The following OPHN1 variants were observed in gnomAD, a reference collection of about 807,000 sequenced individuals.
OPHN1 encodes oligophrenin-1.
OPHN1 carries 11 observed loss-of-function variants against 60.7 expected under a neutral mutation model. The observed-to-expected ratio is 0.18, with a 90% CI of 0.11 to 0.30. The LOEUF (loss-of-function observed/expected upper bound fraction) is 0.30. Among genes scored for constraint, OPHN1 ranks in the 10% least tolerant of loss-of-function variants. The probability of loss-of-function intolerance (pLI) is 1.00; values close to 1 mark genes in which losing one functional copy is unlikely to be tolerated. For synonymous variants in OPHN1, 226 were observed against 222.6 expected (o/e 1.02, Z -0.14); for missense variants, 449 against 611.0 (o/e 0.73, Z 2.80).
chrX:68,095,697 C>T (rs961611576), intron 19 of OPHN1, among the ~76,000 whole-genome samples: 1 of 111,332 alleles, frequency 9.0e-6, no homozygotes, highest in East Asian at 2.8e-4. Context: ...TGGTGACTTC[C>T]AGTCACCAAG....
intron 14 of OPHN1, 74 bp downstream of exon 14, chrX:68,193,816 T>G (rs2077499136): frequency 2.2e-6 from 2 of 894,792 alleles, no homozygotes; most frequent in East Asian, 6.2e-5. Context: ...AAAACGCTAC[T>G]TCAGAGAAAT....
At chrX:68,218,570 C>G (rs1218036759) in intron 6 of OPHN1, among the ~76,000 whole-genome samples, 1 of 110,787 alleles carries the variant, frequency 9.0e-6, no homozygotes, top group African/African-American at 3.3e-5. Context: ...ATCAGACTAA[C>G]AGCGGATCTT....
intron 19 of OPHN1, among the ~76,000 whole-genome samples, chrX:68,073,512 C>A (rs1241817772): frequency 8.9e-6 from 1 of 111,975 alleles, no homozygotes. Flanking sequence ...GAACCTGGCA[C>A]TTCTCAGTTT....
At chrX:68,367,278 C>T (rs1472512011) in intron 2 of OPHN1, among the ~76,000 whole-genome samples, 1 of 105,890 alleles carries the variant, frequency 9.4e-6, no homozygotes, top group African/African-American at 3.5e-5. Flanking sequence ...CACTTGAACC[C>T]GGGAGGCAGA....
chrX:68,133,539 T>C (rs2077206919), intron 15 of OPHN1: 2 of 433,639 alleles, frequency 4.6e-6, no homozygotes, highest in Non-Finnish European at 8.8e-6. Context: ...GCTTCAATTT[T>C]GCATCCTGAG....
chrX:68,239,044 A>G (rs2077766610), intron 5 of OPHN1, among the ~76,000 whole-genome samples: 1 of 111,392 alleles, frequency 9.0e-6, no homozygotes, highest in African/African-American at 3.3e-5. Context: ...GTTTTACTGA[A>G]TGATGGAAAT....
At position 68,422,722 on chromosome X, in the gene OPHN1, AG is replaced by A. The variant is rs764763858; in HGVS notation, c.154+10144del. ...GAAAGAGAGAGAGAGAAAGAAAGAA[AG>A]GAAGGAAGGAAGGAAGGAAGGAAGG... On this transcript the variant is annotated intron_variant, in intron 2 of 24. Coordinates refer to ENST00000355520, the MANE Select transcript of OPHN1 (RefSeq NM_002547.3). Among the ~76,000 whole-genome samples, 627 of 70,815 alleles carry A rather than the reference AG, an allele frequency of 8.9e-3. 9 individuals carry two copies. Among genetic ancestry groups the A allele is most frequent in the South Asian group, 0.023 (32 of 1,375 alleles). 61.5% of individuals were successfully genotyped at this position (70,815 alleles called of 115,157 possible).
At chrX:68,374,354 CA>C (rs151096060) in intron 2 of OPHN1, among the ~76,000 whole-genome samples, 955 of 70,740 alleles carry the variant, frequency 0.014, 3 homozygotes, top group African/African-American at 0.028. Context: ...GACTCCATCT[CA>C]AAAAAAAAAA....
chrX:68,073,281 C>T lies in OPHN1; in HGVS notation c.1705G>A (p.Glu569Lys). The change falls in exon 20 of 25, where the codon GAG becomes AAG. Residue 569 changes from glutamate to lysine, a missense_variant. Around this residue, in one of 4 missense-constraint regions of OPHN1, gnomAD observed 166 missense variants for 278.4 expected, o/e 0.60. Transcript: ENST00000355520. Reference sequence around the variant, plus strand: ...GGCACTGGCGGTGCAGCGCTTTCCTCAGGTGGACCTAAATAGATCTGTGGA... The same window carrying T: ...GGCACTGGCGGTGCAGCGCTTTCCTTAGGTGGACCTAAATAGATCTGTGGA... Reference protein sequence around the residue: ...HFGKIYLGPPEESAAPPVPPP... With the variant: ...HFGKIYLGPPKESAAPPVPPP... 1 of 1,209,482 alleles carries T rather than the reference C, an allele frequency of 8.3e-7. No individual in the cohort carries two copies. Among genetic ancestry groups the T allele is most frequent in the Non-Finnish European group, 1.1e-6 (1 of 894,118 alleles).
chrX:68,210,396 A>G, intron 8 of OPHN1, 114 bp from the exon 9 acceptor site: 1 of 722,819 alleles, frequency 1.4e-6, no homozygotes, highest in Non-Finnish European at 2.0e-6. Context: ...GTGCAACCAC[A>G]AAGCAAAAAA....
At chrX:68,305,820 AC>A (rs1445001905) in intron 2 of OPHN1, among the ~76,000 whole-genome samples, 1 of 111,515 alleles carries the variant, frequency 9.0e-6, no homozygotes, top group Non-Finnish European at 1.9e-5. Context: ...ACAAACAACC[AC>A]CCTGGGGAAG....
intron 11 of OPHN1, among the ~76,000 whole-genome samples, chrX:68,200,365 A>G (rs1223273217): frequency 8.9e-6 from 1 of 112,018 alleles, no homozygotes; most frequent in Non-Finnish European, 1.9e-5. Context: ...ATCATGAGCC[A>G]TGCATAGCAC....
chrX:68,247,275 C>T (rs746374434), intron 5 of OPHN1, among the ~76,000 whole-genome samples: 1 of 111,898 alleles, frequency 8.9e-6, no homozygotes, highest in African/African-American at 3.2e-5. Flanking sequence ...TAACCCCGAC[C>T]TCACATACTG....
intron 5 of OPHN1, among the ~76,000 whole-genome samples, chrX:68,258,619 T>C (rs2077878121): frequency 9.1e-6 from 1 of 109,428 alleles, no homozygotes; most frequent in African/African-American, 3.4e-5. Flanking sequence ...CTGCATAGTA[T>C]TCCATGGTGT....
rs184826986 is a variant in OPHN1 at position 68,345,255 on chromosome X, A to G, written c.155-46159T>C. Among the ~76,000 whole-genome samples the G allele has an allele frequency of 5.4e-5, 6 of 111,994 alleles. 1 individual carries two copies. The Admixed American group carries it at 5.7e-4, about 11-fold the overall frequency. ...ACTTCTGCTTTCACACATTGTGTAA[A>G]CTTCCTCTCAAAAGAATGGAGTTCA... On this transcript the variant is annotated intron_variant, in intron 2 of 24. Transcript: ENST00000355520.
intron 5 of OPHN1, among the ~76,000 whole-genome samples, chrX:68,258,240 A>G (rs1369961974): frequency 9.1e-6 from 1 of 110,259 alleles, no homozygotes; most frequent in Non-Finnish European, 1.9e-5. Context: ...TGTGGCCATT[A>G]TTCTTTTATT....
At chrX:68,056,701 G>T (rs1254585545) in intron 21 of OPHN1, among the ~76,000 whole-genome samples, 1 of 111,287 alleles carries the variant, frequency 9.0e-6, no homozygotes, top group East Asian at 2.8e-4. Flanking sequence ...AAGCTTGAGA[G>T]AGATGAATAA....
At chrX:68,116,940 C>T (rs889537413) in intron 16 of OPHN1, among the ~76,000 whole-genome samples, 4 of 111,611 alleles carry the variant, frequency 3.6e-5, no homozygotes, top group South Asian at 3.8e-4. Flanking sequence ...CTTGCCTGGA[C>T]GACAGCCATA....
At chrX:68,273,763 C>G (rs191729768) in intron 5 of OPHN1, among the ~76,000 whole-genome samples, 272 of 112,024 alleles carry the variant, frequency 2.4e-3, no homozygotes, top group Non-Finnish European at 3.6e-3. Context: ...AGGTCTAAAT[C>G]CAGGCCACTA....
Sources: gnomAD v4.1 joint callset for allele counts (sites outside exome capture counted in the v4.1 genomes callset) on GRCh38, gnomAD v4.1.1 for gene constraint, gnomAD v4.1.1 regional missense constraint, MANE v1.5 for transcripts, NCBI Gene and HGNC (gene_info 2026-07-23, HGNC 2026-07-21) for gene names.